Variants in NLGN1 observed in about 807,000 individuals in gnomAD.
NLGN1 encodes the protein neuroligin-1.
NLGN1 carries 12 observed loss-of-function variants against 65.5 expected under a neutral mutation model. The ratio of observed to expected loss-of-function variants is 0.18; its 90% confidence interval spans 0.12 to 0.30. The LOEUF (loss-of-function observed/expected upper bound fraction) is 0.30. Among genes scored for constraint, NLGN1 ranks in the 10% least tolerant of loss-of-function variants. NLGN1 has a pLI of 1.00. For synonymous variants in NLGN1, 350 were observed against 359.5 expected (o/e 0.97, Z 0.30); for missense variants, 750 against 1,007.1 (o/e 0.74, Z 3.46).
chr3:173,845,239 T>A (rs1022287630), intron 4 of NLGN1, among the ~76,000 whole-genome samples: 1 of 152,202 alleles, frequency 6.6e-6, no homozygotes, highest in Non-Finnish European at 1.5e-5. Context: ...CCATAATGTG[T>A]AAGGTGAGTC....
chr3:173,482,126 G>A (rs1027173248), intron 2 of NLGN1, among the ~76,000 whole-genome samples: 4 of 151,904 alleles, frequency 2.6e-5, no homozygotes, highest in Non-Finnish European at 5.9e-5. Context: ...TCACTTGGGT[G>A]TAATCAAGTC....
At chr3:174,042,751 A>T (rs138613404) in intron 4 of NLGN1, among the ~76,000 whole-genome samples, 136 of 152,298 alleles carry the variant, frequency 8.9e-4, no homozygotes, top group African/African-American at 3.1e-3. Context: ...CCACTTAAAG[A>T]TAAGGAAACT....
At chr3:173,539,586 A>ATG (rs1160301191) in intron 2 of NLGN1, among the ~76,000 whole-genome samples, 1 of 139,606 alleles carries the variant, frequency 7.2e-6, no homozygotes, top group East Asian at 2.1e-4. Flanking sequence ...GTTATGTTAT[A>ATG]TATGTTATAT....
In NLGN1 at chr3:173,622,860, C is replaced by T. The variant is rs140956623; in HGVS notation, c.493+17769C>T. Among the ~76,000 whole-genome samples the T allele has an allele frequency of 3.3e-5, 5 of 152,186 alleles. No individual in the cohort carries two copies. The East Asian group carries it at 9.7e-4, about 29-fold the overall frequency. ...TGATATTTCCGAAAGAACAAAATTA[C>T]TAACTGACCCAATTACTAAACACAA... On this transcript the variant is annotated intron_variant, in intron 3 of 6. Coordinates refer to ENST00000457714, the Ensembl canonical transcript of NLGN1.
intron 4 of NLGN1, among the ~76,000 whole-genome samples, chr3:174,126,306 C>T (rs1577007701): frequency 6.6e-6 from 1 of 152,016 alleles, no homozygotes; most frequent in African/African-American, 2.4e-5. Flanking sequence ...TATGAGTTCA[C>T]TGAGGGCAAG....
intron 4 of NLGN1, among the ~76,000 whole-genome samples, chr3:174,132,870 C>T (rs1264079189): frequency 6.6e-6 from 1 of 152,146 alleles, no homozygotes; most frequent in Non-Finnish European, 1.5e-5. Context: ...AAGCGAGTAA[C>T]CCAAGGATCT....
chr3:173,999,917 A>G (rs990560901), intron 4 of NLGN1, among the ~76,000 whole-genome samples: 2 of 152,160 alleles, frequency 1.3e-5, no homozygotes, highest in African/African-American at 2.4e-5. Context: ...TAAACAATGT[A>G]GTAACTGCCT....
intron 3 of NLGN1, among the ~76,000 whole-genome samples, chr3:173,801,534 T>C (rs1265448615): frequency 6.6e-6 from 1 of 152,072 alleles, no homozygotes; most frequent in Non-Finnish European, 1.5e-5. Flanking sequence ...ATATTTGCCT[T>C]ATTTGCATTG....
At chr3:173,731,300 GGAAA>G (rs1487903486) in intron 3 of NLGN1, among the ~76,000 whole-genome samples, 6 of 152,004 alleles carry the variant, frequency 3.9e-5, no homozygotes, top group South Asian at 2.1e-4. Context: ...TCTGAAGAAT[GGAAA>G]GAAAGATGGA....
intron 4 of NLGN1, among the ~76,000 whole-genome samples, chr3:174,181,972 G>A (rs1172323150): frequency 1.8e-5 from 2 of 108,518 alleles, no homozygotes; most frequent in South Asian, 6.0e-4. Context: ...TTGAGACTTG[G>A]TGTCAAAAAA....
At chr3:173,521,866 A>G (rs1734813300) in intron 2 of NLGN1, among the ~76,000 whole-genome samples, 1 of 152,204 alleles carries the variant, frequency 6.6e-6, no homozygotes, top group South Asian at 2.1e-4. Context: ...AAAATTTTAA[A>G]CATGTTTTAT....
Position 173,895,690 on chromosome 3 carries a change from C to CTT in NLGN1, c.646+87867_646+87868dup, listed in dbSNP as rs201331199. On this transcript the variant is annotated intron_variant, in intron 4 of 6. Coordinates refer to ENST00000457714, the Ensembl canonical transcript of NLGN1. Reference sequence around the variant, plus strand: ...GAAAACTTGGCAGCTTCCAAGGACCCTTTTTTTTTTCTTTTTTGAGACAAG... The same window carrying CTT: ...GAAAACTTGGCAGCTTCCAAGGACCCTTTTTTTTTTTTCTTTTTTGAGACAAG... Among the ~76,000 whole-genome samples, 360 of 148,266 alleles carry CTT rather than the reference C, an allele frequency of 2.4e-3. 4 individuals carry two copies. The highest frequency in any genetic ancestry group is 8.1e-3 in the African/African-American group (327 of 40,438).
intron 2 of NLGN1, among the ~76,000 whole-genome samples, chr3:173,474,787 G>GT (rs1725908477): frequency 6.6e-6 from 1 of 151,788 alleles, no homozygotes; most frequent in Admixed American, 6.6e-5. Flanking sequence ...GTGAAACCCC[G>GT]TATCTACTAA....
intron 4 of NLGN1, among the ~76,000 whole-genome samples, chr3:174,183,179 C>A (rs16857562): frequency 0.22 from 33,325 of 151,974 alleles, 4,426 homozygotes; most frequent in African/African-American, 0.37. Flanking sequence ...GTCTACTAGG[C>A]AACAGTGCAT....
intron 2 of NLGN1, among the ~76,000 whole-genome samples, chr3:173,540,906 C>T (rs1343763189): frequency 1.3e-5 from 2 of 152,054 alleles, no homozygotes; most frequent in Non-Finnish European, 2.9e-5. Context: ...TCATTCACAC[C>T]ATCAACCTTT....
At chr3:173,942,398 T>C (rs1457154151) in intron 4 of NLGN1, among the ~76,000 whole-genome samples, 1 of 152,102 alleles carries the variant, frequency 6.6e-6, no homozygotes, top group Non-Finnish European at 1.5e-5. Flanking sequence ...ACTTGCAGTG[T>C]ATCATTCAGT....
chr3:174,065,313 GAC>G (rs748674622), intron 4 of NLGN1, among the ~76,000 whole-genome samples: 1 of 152,032 alleles, frequency 6.6e-6, no homozygotes, highest in African/African-American at 2.4e-5. Context: ...GAAACAGAGA[GAC>G]AGAGAGAAAG....
At chr3:173,781,812 TA>T (rs1382370544) in intron 3 of NLGN1, among the ~76,000 whole-genome samples, 3 of 152,218 alleles carry the variant, frequency 2.0e-5, no homozygotes, top group African/African-American at 4.8e-5. Flanking sequence ...AAAGATGAAA[TA>T]TTTTTTAAAC....
chr3:173,628,917 C>T (rs1755223619), intron 3 of NLGN1, among the ~76,000 whole-genome samples: 1 of 151,808 alleles, frequency 6.6e-6, no homozygotes, highest in African/African-American at 2.4e-5. Flanking sequence ...TGGTCTCGAA[C>T]TCCTGACATC....
Sources: gnomAD v4.1 joint callset for allele counts (sites outside exome capture counted in the v4.1 genomes callset) on GRCh38, gnomAD v4.1.1 for gene constraint, MANE v1.5 for transcripts, NCBI Gene and HGNC (gene_info 2026-07-23, HGNC 2026-07-21) for gene names.